Variants in RIT2 observed in about 807,000 individuals in gnomAD.
RIT2 encodes the protein GTP-binding protein Rit2.
In RIT2, 24 loss-of-function variants were observed where a neutral mutation model predicts 23.7. That is an observed-to-expected ratio of 1.01 (90% confidence interval 0.73 to 1.43). The LOEUF is 1.43. Ranked by LOEUF, RIT2 falls within the 40% of genes most tolerant of loss-of-function variation. The pLI, the probability that RIT2 is intolerant of heterozygous loss-of-function variation, is 0.00. For synonymous variants in RIT2, 107 were observed against 91.1 expected, an observed-to-expected ratio of 1.17 and a Z score of -0.99; for missense variants, 236 against 266.9, an observed-to-expected ratio of 0.88 and a Z score of 0.81.
rs137892707 is a variant in RIT2, at chr18:43,018,184, C to T, written c.160+15627G>A. On this transcript the variant is annotated intron_variant, in intron 2 of 4. Transcript: ENST00000326695. ...CCTTTCCCTCACACTGCCCCTAACGCGAAGAGTGATCAGAGTAGCCACAGA... is the reference window on the plus strand; with the variant it reads ...CCTTTCCCTCACACTGCCCCTAACGTGAAGAGTGATCAGAGTAGCCACAGA... 3.0e-3 allele frequency among the ~76,000 whole-genome samples: 450 copies of T among 151,998 alleles called. 7 individuals carry two copies. The highest frequency in any genetic ancestry group is 0.01 in the African/African-American group (428 of 41,478).
intron 4 of RIT2, among the ~76,000 whole-genome samples, chr18:42,776,223 A>C (rs931205547): frequency 2.6e-5 from 4 of 152,234 alleles, no homozygotes; most frequent in Admixed American, 6.5e-5. Context: ...TCAAAAGAGC[A>C]AAGACACCTG....
chr18:42,786,919 A>G (rs1266996272), intron 4 of RIT2, among the ~76,000 whole-genome samples: 2 of 152,134 alleles, frequency 1.3e-5, no homozygotes, highest in Non-Finnish European at 2.9e-5. Flanking sequence ...ATACCAGACC[A>G]TCATAGAATT....
intron 2 of RIT2, among the ~76,000 whole-genome samples, chr18:42,984,290 T>C (rs896118035): frequency 2.6e-5 from 4 of 152,096 alleles, no homozygotes; most frequent in Admixed American, 2.0e-4. Flanking sequence ...CAAATTATTC[T>C]AACTGAAACA....
chr18:42,882,667 GTCAA>G (rs1185920911), intron 4 of RIT2, among the ~76,000 whole-genome samples: 4 of 152,244 alleles, frequency 2.6e-5, no homozygotes, highest in Non-Finnish European at 1.5e-5. Flanking sequence ...TTTGATATGG[GTCAA>G]TCAGTGAAAC....
chr18:42,857,403 G>A (rs73471610), intron 4 of RIT2, among the ~76,000 whole-genome samples: 4,509 of 152,186 alleles, frequency 0.03, 222 homozygotes, highest in African/African-American at 0.1. Flanking sequence ...CAACAGCATT[G>A]AGTTATTTGT....
intron 4 of RIT2, among the ~76,000 whole-genome samples, chr18:42,771,528 T>A (rs575982237): frequency 6.6e-6 from 1 of 152,270 alleles, no homozygotes; most frequent in South Asian, 2.1e-4. Flanking sequence ...AGTTTAGCTG[T>A]TTTTGTATTT....
chr18:43,052,011 C>G (rs1213179297), intron 1 of RIT2, among the ~76,000 whole-genome samples: 1 of 152,068 alleles, frequency 6.6e-6, no homozygotes, highest in Non-Finnish European at 1.5e-5. Context: ...AGAATATACC[C>G]AGGACTCTGC....
At chr18:42,980,731 A>G (rs559318111) in intron 2 of RIT2, among the ~76,000 whole-genome samples, 1 of 152,238 alleles carries the variant, frequency 6.6e-6, no homozygotes, top group East Asian at 1.9e-4. Context: ...TGTCCTGTGG[A>G]GACACAGAAC....
At chr18:42,857,376 A>C (rs915226684) in intron 4 of RIT2, among the ~76,000 whole-genome samples, 5 of 152,286 alleles carry the variant, frequency 3.3e-5, no homozygotes, top group African/African-American at 1.2e-4. Context: ...TTTTATATCA[A>C]ATCACACATT....
intron 4 of RIT2, among the ~76,000 whole-genome samples, chr18:42,795,237 G>A (rs2143952275): frequency 6.6e-6 from 1 of 152,350 alleles, no homozygotes; most frequent in African/African-American, 2.4e-5. Context: ...AGCTTGCAGG[G>A]AGGTGTGGAG....
intron 3 of RIT2, among the ~76,000 whole-genome samples, chr18:42,960,072 C>G (rs79811278): frequency 0.038 from 5,764 of 152,250 alleles, 342 homozygotes; most frequent in African/African-American, 0.13. Flanking sequence ...ATTGAAATGT[C>G]TTAGCACTGT....
At chr18:43,039,314 G>A (rs1298886057) in intron 1 of RIT2, among the ~76,000 whole-genome samples, 2 of 150,566 alleles carry the variant, frequency 1.3e-5, no homozygotes, top group African/African-American at 4.9e-5. Context: ...CCTTGTAATG[G>A]CACCAGAATT....
intron 2 of RIT2, among the ~76,000 whole-genome samples, chr18:43,016,167 C>T (rs2144260117): frequency 6.6e-6 from 1 of 151,952 alleles, no homozygotes; most frequent in South Asian, 2.1e-4. Flanking sequence ...GATGCATCAA[C>T]TTTTATTTAT....
chr18:42,751,309 A>C (rs560688760), intron 4 of RIT2, among the ~76,000 whole-genome samples: 14 of 152,038 alleles, frequency 9.2e-5, no homozygotes, highest in Non-Finnish European at 1.8e-4. Flanking sequence ...TAAATTCTTT[A>C]AGTGTTTGAA....
intron 4 of RIT2, among the ~76,000 whole-genome samples, chr18:42,862,276 C>T (rs540487162): frequency 2.6e-5 from 4 of 152,162 alleles, no homozygotes; most frequent in Admixed American, 1.3e-4. Context: ...CTCTCTCTCT[C>T]CTGCCACCAC....
At chr18:43,106,473 G>C (rs968204056) in intron 1 of RIT2, among the ~76,000 whole-genome samples, 1 of 152,058 alleles carries the variant, frequency 6.6e-6, no homozygotes, top group African/African-American at 2.4e-5. Flanking sequence ...AACTATAATT[G>C]TTAAAAATCT....
intron 3 of RIT2, among the ~76,000 whole-genome samples, chr18:42,963,578 T>A (rs1342654534): frequency 6.6e-6 from 1 of 152,184 alleles, no homozygotes; most frequent in Non-Finnish European, 1.5e-5. Context: ...TTTGGCTTTG[T>A]CATCAAAATG....
chr18:42,972,466 C>T (rs1200565947), intron 3 of RIT2, among the ~76,000 whole-genome samples: 1 of 151,466 alleles, frequency 6.6e-6, no homozygotes, highest in Non-Finnish European at 1.5e-5. Context: ...TGAGAAAATA[C>T]AATGTTTTAA....
chr18:42,864,053 A>C (rs1907403949), intron 4 of RIT2, among the ~76,000 whole-genome samples: 1 of 151,942 alleles, frequency 6.6e-6, no homozygotes, highest in East Asian at 1.9e-4. Flanking sequence ...GAAAAAAAAA[A>C]ACGATATGAA....
Sources: allele counts gnomAD v4.1 joint callset (sites outside exome capture counted in the v4.1 genomes callset), GRCh38; gene constraint gnomAD v4.1.1; transcripts MANE v1.5; gene names NCBI Gene and HGNC (gene_info 2026-07-23, HGNC 2026-07-21).